The following YAE1 variants were observed in gnomAD, a reference collection of about 807,000 sequenced individuals.
YAE1 encodes protein YAE1 homolog.
In YAE1, 22 loss-of-function variants were observed where a neutral mutation model predicts 23.0. That is an observed-to-expected ratio of 0.96 (90% CI 0.68 to 1.37). The LOEUF (loss-of-function observed/expected upper bound fraction) is 1.37, where lower values mean the gene tolerates loss of function less well. Ranked by LOEUF, YAE1 falls within the 40% of genes most tolerant of loss-of-function variation. The pLI is 0.00. For synonymous variants in YAE1, 101 were observed against 97.0 expected (o/e 1.04, Z -0.24); for missense variants, 260 against 262.1 (o/e 0.99, Z 0.06).
intron 2 of YAE1, among the ~76,000 whole-genome samples, chr7:39,607,788 C>T (rs1791152533): frequency 6.6e-6 from 1 of 152,312 alleles, no homozygotes; most frequent in African/African-American, 2.4e-5. Flanking sequence ...CCTGCCTCAG[C>T]CTCCTGAGTA....
downstream of YAE1, among the ~76,000 whole-genome samples, chr7:39,576,276 A>G (rs569198049): frequency 9.8e-5 from 15 of 152,320 alleles, no homozygotes; most frequent in African/African-American, 3.6e-4. Context: ...CCTACAATCT[A>G]GCTGTCTTCC....
chr7:39,586,097 C>G (rs1158435624), intron 2 of YAE1, among the ~76,000 whole-genome samples: 1 of 152,034 alleles, frequency 6.6e-6, no homozygotes, highest in Non-Finnish European at 1.5e-5. Context: ...AAGACCCTAT[C>G]TCAAAGAAAT....
At chr7:39,585,296 C>G (rs550216985) in intron 2 of YAE1, among the ~76,000 whole-genome samples, 1 of 152,306 alleles carries the variant, frequency 6.6e-6, no homozygotes, top group South Asian at 2.1e-4. Context: ...AGCCCCAGTC[C>G]TCAGTACCTC....
chr7:39,587,054 TC>T (rs1790830103), intron 2 of YAE1, among the ~76,000 whole-genome samples: 1 of 151,846 alleles, frequency 6.6e-6, no homozygotes, highest in Non-Finnish European at 1.5e-5. Flanking sequence ...TTTCTTTCTT[TC>T]TCTTTCTTTC....
At chr7:39,580,007 T>C (rs903869793) in intron 2 of YAE1, among the ~76,000 whole-genome samples, 3 of 152,120 alleles carry the variant, frequency 2.0e-5, no homozygotes, top group Non-Finnish European at 2.9e-5. Context: ...ATCGCACCAC[T>C]GCACTCTAGC....
chr7:39,606,450 A>T (rs1047672568), intron 2 of YAE1, among the ~76,000 whole-genome samples: 9 of 152,242 alleles, frequency 5.9e-5, no homozygotes, highest in South Asian at 2.1e-4. Flanking sequence ...GATAATTCCA[A>T]TCTCATTCTC....
intron 1 of YAE1, chr7:39,570,155 A>T: frequency 1.3e-6 from 1 of 756,178 alleles, no homozygotes; most frequent in South Asian, 1.6e-5. Flanking sequence ...AAGCAACAGT[A>T]CCAGGACTGC....
chr7:39,575,577 A>T (rs200921105), downstream of YAE1, among the ~76,000 whole-genome samples: 579 of 80,244 alleles, frequency 7.2e-3, 3 homozygotes, highest in African/African-American at 9.3e-3. Flanking sequence ...AGAGAGAGAG[A>T]GTGAGTGTGT....
chr7:39,566,784 A>G, intron 1 of YAE1: 1 of 455,960 alleles, frequency 2.2e-6, no homozygotes, highest in Non-Finnish European at 3.9e-6. Flanking sequence ...ACCGACCAAA[A>G]TTAACTATGT....
intron 1 of YAE1, chr7:39,569,806 ACT>A (rs1385408543): frequency 1.3e-6 from 1 of 765,084 alleles, no homozygotes; most frequent in African/African-American, 2.2e-5. Flanking sequence ...ATACTCTTCC[ACT>A]CTTTATCACT....
intron 2 of YAE1, among the ~76,000 whole-genome samples, chr7:39,591,599 C>T (rs1229861907): frequency 6.6e-6 from 1 of 151,640 alleles, no homozygotes; most frequent in Non-Finnish European, 1.5e-5. Context: ...CCTGCCCCCA[C>T]ACATGCATAG....
At chr7:39,593,890 G>A (rs1790940938) in intron 2 of YAE1, among the ~76,000 whole-genome samples, 1 of 152,170 alleles carries the variant, frequency 6.6e-6, no homozygotes, top group African/African-American at 2.4e-5. Context: ...TACAATATAT[G>A]AAGCATTCTG....
At chr7:39,568,386 G>A (rs896467606) in intron 1 of YAE1, among the ~76,000 whole-genome samples, 1 of 151,986 alleles carries the variant, frequency 6.6e-6, no homozygotes, top group Non-Finnish European at 1.5e-5. Flanking sequence ...TTTTTCCTGA[G>A]TAGAATGCAA....
chr7:39,576,127 C>T (rs1015784373), downstream of YAE1, among the ~76,000 whole-genome samples: 6 of 152,214 alleles, frequency 3.9e-5, no homozygotes, highest in Admixed American at 3.3e-4. Context: ...AAGTCTTCCT[C>T]TGCCCTTCCT....
At chr7:39,600,416 G>A (rs1285101313) in intron 2 of YAE1, among the ~76,000 whole-genome samples, 2 of 151,600 alleles carry the variant, frequency 1.3e-5, no homozygotes, top group African/African-American at 4.9e-5. Context: ...ATTTATTTTT[G>A]GGATGGAGTC....
chr7:39,586,702 T>C (rs536353059), intron 2 of YAE1, among the ~76,000 whole-genome samples: 1 of 152,036 alleles, frequency 6.6e-6, no homozygotes, highest in South Asian at 2.1e-4. Context: ...TTTCACCGTG[T>C]TAGCCAGGAT....
rs1438455156 is a variant in YAE1 at position 39,595,305 on chromosome 7, A to G, written c.252-14312A>G. On this transcript the variant is annotated intron_variant, in intron 2 of 2. Coordinates refer to the YAE1 transcript ENST00000432096. ...TTCAATTATTCTGTTTTTATTGATGAGGATTTTGTCCAGCGTTTTTCTGGA... is the reference window on the plus strand; with the variant it reads ...TTCAATTATTCTGTTTTTATTGATGGGGATTTTGTCCAGCGTTTTTCTGGA... 2.0e-5 allele frequency among the ~76,000 whole-genome samples: 3 copies of G among 152,032 alleles called. No individual in the cohort carries two copies. In the East Asian group the frequency reaches 5.8e-4, roughly 29 times the overall value.
chr7:39,596,006 T>C (rs16880070), intron 2 of YAE1, among the ~76,000 whole-genome samples: 17,337 of 152,228 alleles, frequency 0.11, 2,457 homozygotes, highest in African/African-American at 0.33. Flanking sequence ...CCATTGGCTA[T>C]GCCTTTTTCT....
chr7:39,579,545 TG>T (rs1790709836), intron 2 of YAE1, among the ~76,000 whole-genome samples: 1 of 151,998 alleles, frequency 6.6e-6, no homozygotes, highest in African/African-American at 2.4e-5. Context: ...GGCAGGCACC[TG>T]TAATCCCAGC....
Sources: gnomAD v4.1 joint callset for allele counts (sites outside exome capture counted in the v4.1 genomes callset) on GRCh38, gnomAD v4.1.1 for gene constraint, MANE v1.5 for transcripts, NCBI Gene and HGNC (gene_info 2026-07-23, HGNC 2026-07-21) for gene names.